The following USP49 variants were observed in gnomAD, a reference collection of about 807,000 sequenced individuals.
The protein encoded by USP49 is ubiquitin carboxyl-terminal hydrolase 49.
A neutral mutation model predicts 58.6 loss-of-function variants in USP49; 24 were observed. The ratio of observed to expected loss-of-function variants is 0.41; its 90% CI spans 0.30 to 0.58. USP49 has a LOEUF of 0.58. Ranked by LOEUF, USP49 falls within the 20% of genes least tolerant of loss-of-function variation. USP49 has a pLI of 0.30. For missense variants in USP49, 703 were observed against 866.1 expected, an observed-to-expected ratio of 0.81 and a Z score of 2.36; for synonymous variants, 408 against 365.1, an observed-to-expected ratio of 1.12 and a Z score of -1.34.
At chr6:41,826,421 T>C (rs1472415499) in intron 3 of USP49, among the ~76,000 whole-genome samples, 1 of 152,194 alleles carries the variant, frequency 6.6e-6, no homozygotes, top group East Asian at 1.9e-4. Context: ...GACCATTTAA[T>C]GCATTACTAA....
intron 3 of USP49, among the ~76,000 whole-genome samples, chr6:41,824,707 C>G (rs1466269178): frequency 6.6e-6 from 1 of 151,792 alleles, no homozygotes; most frequent in East Asian, 1.9e-4. Flanking sequence ...ACTCTGTCTC[C>G]AAAACAAAAA....
intron 3 of USP49, among the ~76,000 whole-genome samples, chr6:41,818,816 C>G (rs1042688995): frequency 3.9e-5 from 6 of 152,156 alleles, no homozygotes; most frequent in Admixed American, 3.3e-4. Context: ...TTTGCTAACT[C>G]TTCCTGTTAC....
At position 41,802,452 on chromosome 6, in the gene USP49, A is replaced by ATTTTTTTTTTTTTTTTTTTTTTTTTTTT. The variant is rs1561902624; in HGVS notation, c.1561+1353_1561+1354insAAAAAAAAAAAAAAAAAAAAAAAAAAAA. On this transcript the variant is annotated intron_variant, in intron 5 of 7. Transcript: ENST00000682992. Reference sequence around the variant, plus strand: ...ATTTTATTTATTTATTTATTTATTTATTTATTTATTTATTTATTTTTTATT... The same window carrying ATTTTTTTTTTTTTTTTTTTTTTTTTTTT: ...ATTTTATTTATTTATTTATTTATTTATTTTTTTTTTTTTTTTTTTTTTTTTTTTTTTATTTATTTATTTATTTTTTATT... 4.7e-5 allele frequency among the ~76,000 whole-genome samples: 3 copies of ATTTTTTTTTTTTTTTTTTTTTTTTTTTT among 63,814 alleles called. 1 individual carries two copies. The highest frequency in any genetic ancestry group is 7.3e-5 in the African/African-American group (1 of 13,762). 41.9% of individuals were successfully genotyped at this position (63,814 alleles called of 152,430 possible).
chr6:41,894,528 T>A (rs1774863412), intron 1 of USP49: 1 of 152,472 alleles, frequency 6.6e-6, no homozygotes, highest in Non-Finnish European at 1.5e-5. Flanking sequence ...ACACCGTTGG[T>A]CCCAGTCCTT....
At chr6:41,832,607 GTTA>G (rs1486118118) in intron 3 of USP49, among the ~76,000 whole-genome samples, 1 of 152,096 alleles carries the variant, frequency 6.6e-6, no homozygotes, top group Non-Finnish European at 1.5e-5. Flanking sequence ...GAAACCTGGT[GTTA>G]TTATGAGGAC....
intron 3 of USP49, among the ~76,000 whole-genome samples, chr6:41,855,496 C>A (rs1156666987): frequency 3.9e-5 from 6 of 152,096 alleles, no homozygotes; most frequent in Non-Finnish European, 8.8e-5. Flanking sequence ...GCCTGGGCAA[C>A]AGAGTGAGCC....
intron 3 of USP49, among the ~76,000 whole-genome samples, chr6:41,856,396 A>AT (rs1176847067): frequency 6.6e-6 from 1 of 152,166 alleles, no homozygotes; most frequent in Non-Finnish European, 1.5e-5. Flanking sequence ...AAAACTTGTA[A>AT]TATTAATAAG....
intron 3 of USP49, among the ~76,000 whole-genome samples, chr6:41,840,983 T>C (rs1383242045): frequency 6.6e-6 from 1 of 150,900 alleles, no homozygotes; most frequent in Non-Finnish European, 1.5e-5. Flanking sequence ...CCAGCCTGGG[T>C]GACAGAGCAA....
chr6:41,876,605 G>T (rs892959223), intron 2 of USP49, among the ~76,000 whole-genome samples: 2 of 151,916 alleles, frequency 1.3e-5, no homozygotes, highest in African/African-American at 4.8e-5. Flanking sequence ...GTAAAGAGGG[G>T]GTTTCACCAT....
intron 1 of USP49, among the ~76,000 whole-genome samples, chr6:41,892,117 A>C (rs1158079469): frequency 1.3e-5 from 2 of 152,222 alleles, no homozygotes; most frequent in African/African-American, 4.8e-5. Flanking sequence ...CTGAGAAATA[A>C]CCATTGACAA....
At chr6:41,861,200 T>C (rs1445724793) in intron 3 of USP49, among the ~76,000 whole-genome samples, 5 of 151,864 alleles carry the variant, frequency 3.3e-5, no homozygotes, top group African/African-American at 1.2e-4. Context: ...TCTCAGCACT[T>C]TGGGAGGCCG....
intron 3 of USP49, among the ~76,000 whole-genome samples, chr6:41,808,192 A>C (rs1446068790): frequency 6.6e-6 from 1 of 152,220 alleles, no homozygotes; most frequent in Non-Finnish European, 1.5e-5. Context: ...ACTTAGGACA[A>C]GAGGTGAAGT....
chr6:41,864,796 A>G (rs1456065797), intron 3 of USP49, among the ~76,000 whole-genome samples: 1 of 152,186 alleles, frequency 6.6e-6, no homozygotes. Flanking sequence ...TAAGACAGAC[A>G]TCTAGCCAGT....
chr6:41,870,051 G>GT (rs906595827), intron 3 of USP49, among the ~76,000 whole-genome samples: 7 of 152,268 alleles, frequency 4.6e-5, no homozygotes, highest in Admixed American at 2.6e-4. Flanking sequence ...ATGGTTAACC[G>GT]TATCTGAGAT....
intron 3 of USP49, among the ~76,000 whole-genome samples, chr6:41,831,685 C>T (rs1169261901): frequency 6.6e-6 from 1 of 151,822 alleles, no homozygotes; most frequent in Non-Finnish European, 1.5e-5. Flanking sequence ...GCACATTAAA[C>T]ATTACTCCAA....
chr6:41,833,136 C>A, intron 3 of USP49: 1 of 152,090 alleles, frequency 6.6e-6, no homozygotes, highest in Non-Finnish European at 1.5e-5. Context: ...CCTGCCTCAG[C>A]CTCCCGAGTA....
chr6:41,804,572 A>G (rs2127322147), intron 4 of USP49, among the ~76,000 whole-genome samples: 1 of 152,306 alleles, frequency 6.6e-6, no homozygotes, highest in African/African-American at 2.4e-5. Context: ...GAGACAGAAG[A>G]AGTGCTGATA....
chr6:41,829,072 G>A (rs919886936), intron 3 of USP49, among the ~76,000 whole-genome samples: 5 of 151,862 alleles, frequency 3.3e-5, no homozygotes, highest in African/African-American at 1.2e-4. Flanking sequence ...GTTTTTTTGT[G>A]GCTACTATGA....
intron 3 of USP49, among the ~76,000 whole-genome samples, chr6:41,856,197 C>A (rs1004976576): frequency 3.3e-5 from 5 of 151,966 alleles, no homozygotes; most frequent in Non-Finnish European, 7.4e-5. Flanking sequence ...CATGGTGAAA[C>A]CCTGTCTCTA....
Sources: allele counts gnomAD v4.1 joint callset (sites outside exome capture counted in the v4.1 genomes callset), GRCh38; gene constraint gnomAD v4.1.1; transcripts MANE v1.5; gene names NCBI Gene and HGNC (gene_info 2026-07-23, HGNC 2026-07-21).